The following EPHB2 variants were observed in gnomAD, a reference collection of about 807,000 sequenced individuals.
EPHB2 encodes the protein EPH receptor B2, also known as ephrin type-B receptor 2.
A neutral mutation model predicts 96.4 loss-of-function variants in EPHB2; 18 were observed. The observed-to-expected ratio is 0.19, with a 90% CI of 0.13 to 0.28. The LOEUF (loss-of-function observed/expected upper bound fraction) is 0.28. Ranked by LOEUF, EPHB2 falls within the 10% of genes least tolerant of loss-of-function variation. The pLI is 1.00. For missense variants in EPHB2, 989 were observed against 1,355.4 expected, an observed-to-expected ratio of 0.73 and a Z score of 4.25; for synonymous variants, 506 against 534.1, an observed-to-expected ratio of 0.95 and a Z score of 0.72.
chr1:22,727,600 A>C (rs1202780180), intron 1 of EPHB2, among the ~76,000 whole-genome samples: 1 of 152,206 alleles, frequency 6.6e-6, no homozygotes, highest in African/African-American at 2.4e-5. Flanking sequence ...AGAAGGGGAC[A>C]GCTAGTTGCC....
chr1:22,769,924 T>C (rs1174713427), intron 1 of EPHB2, among the ~76,000 whole-genome samples: 1 of 152,152 alleles, frequency 6.6e-6, no homozygotes, highest in Non-Finnish European at 1.5e-5. Context: ...CGAAGTGGGA[T>C]GCTGGGCATA....
At chr1:22,758,655 G>A (rs1644190366) in intron 1 of EPHB2, among the ~76,000 whole-genome samples, 1 of 151,510 alleles carries the variant, frequency 6.6e-6, no homozygotes, top group African/African-American at 2.4e-5. Flanking sequence ...CTCACACATG[G>A]TCTTTCCCTG....
chr1:22,833,273 C>T (rs898720259), intron 3 of EPHB2, among the ~76,000 whole-genome samples: 2 of 152,248 alleles, frequency 1.3e-5, no homozygotes, highest in African/African-American at 2.4e-5. Flanking sequence ...TGCACGCCAC[C>T]ATGCCTGGCT....
intron 1 of EPHB2, among the ~76,000 whole-genome samples, chr1:22,716,852 G>A (rs954500869): frequency 1.3e-5 from 2 of 152,200 alleles, no homozygotes; most frequent in Non-Finnish European, 2.9e-5. Context: ...TGAGGGTGGC[G>A]GAGATGCAGA....
In EPHB2 at chr1:22,894,928, T is replaced by C. The variant is rs201221682; in HGVS notation, c.1592-544T>C. ...CAGGGACAAGAATAGTTAATATTGA[T>C]TGAATGCTTGCTTAGGTGCCAGGTG... On this transcript the variant is annotated intron_variant, in intron 7 of 15. Coordinates refer to ENST00000374630, the MANE Select transcript of EPHB2 (RefSeq NM_017449.5). Among the ~76,000 whole-genome samples, 65 of 152,306 alleles carry C rather than the reference T, an allele frequency of 4.3e-4. 1 individual carries two copies. In the East Asian group the frequency reaches 9.8e-3, roughly 23 times the overall value.
chr1:22,881,554 A>T (rs766710211), intron 5 of EPHB2, among the ~76,000 whole-genome samples: 3 of 152,132 alleles, frequency 2.0e-5, no homozygotes, highest in African/African-American at 4.8e-5. Context: ...CTCAAAAAAT[A>T]ACAATCATAA....
chr1:22,772,090 A>G (rs1243339681), intron 1 of EPHB2, among the ~76,000 whole-genome samples: 1 of 36,884 alleles, frequency 2.7e-5, no homozygotes, highest in African/African-American at 1.1e-4. Context: ...ACCCCGTCCC[A>G]GACCCCCATC....
intron 9 of EPHB2, among the ~76,000 whole-genome samples, chr1:22,899,374 G>A (rs1263429683): frequency 6.6e-6 from 1 of 151,440 alleles, no homozygotes; most frequent in Non-Finnish European, 1.5e-5. Context: ...GGTGGTGTGT[G>A]CCTGTAATCC....
At chr1:22,772,494 A>T (rs74453201) in intron 1 of EPHB2, among the ~76,000 whole-genome samples, 20,619 of 152,258 alleles carry the variant, frequency 0.14, 1,457 homozygotes, top group South Asian at 0.18. Context: ...GGGCCGAGGT[A>T]GAAAAACAAC....
At chr1:22,715,683 A>AT (rs1294986839) in intron 1 of EPHB2, among the ~76,000 whole-genome samples, 1 of 152,284 alleles carries the variant, frequency 6.6e-6, no homozygotes, top group East Asian at 1.9e-4. Context: ...CCATCCATAT[A>AT]TTTTTAAAGA....
chr1:22,772,257 C>G (rs924667275), intron 1 of EPHB2, among the ~76,000 whole-genome samples: 2 of 152,112 alleles, frequency 1.3e-5, no homozygotes, highest in African/African-American at 4.8e-5. Context: ...TGGCGGATGC[C>G]CAGGCCAGCG....
intron 1 of EPHB2, among the ~76,000 whole-genome samples, chr1:22,712,433 G>A (rs1028883893): frequency 6.6e-6 from 1 of 152,306 alleles, no homozygotes; most frequent in African/African-American, 2.4e-5. Context: ...GTTGTGGGGC[G>A]CCCCTTCCCT....
rs1237178413 is a variant in EPHB2 at position 22,843,668 on chromosome 1, G to A, written c.812-19369G>A. ...TGATTCTTCTGTCTCAGCCTCCCGAGTAGCTGGGATTACAGCCACCTGCCG... is the reference window on the plus strand; with the variant it reads ...TGATTCTTCTGTCTCAGCCTCCCGAATAGCTGGGATTACAGCCACCTGCCG... On this transcript the variant is annotated intron_variant, in intron 3 of 15. Coordinates refer to ENST00000374630, the MANE Select transcript of EPHB2 (RefSeq NM_017449.5). 3.9e-5 allele frequency among the ~76,000 whole-genome samples: 6 copies of A among 152,270 alleles called. No individual in the cohort carries two copies. In the East Asian group the frequency reaches 1.2e-3, roughly 29 times the overall value.
chr1:22,808,131 C>A (rs1362957324), intron 3 of EPHB2, among the ~76,000 whole-genome samples: 10 of 141,412 alleles, frequency 7.1e-5, no homozygotes, highest in South Asian at 2.2e-4. Flanking sequence ...AAGACTGTCA[C>A]AAAAAAAAAA....
chr1:22,763,537 C>T (rs1159834209), intron 1 of EPHB2, among the ~76,000 whole-genome samples: 1 of 152,082 alleles, frequency 6.6e-6, no homozygotes, highest in Non-Finnish European at 1.5e-5. Flanking sequence ...AGGCCCTCCC[C>T]CCCACTTCAA....
At chr1:22,882,775 T>C in intron 6 of EPHB2, 1 of 388,442 alleles carries the variant, frequency 2.6e-6, no homozygotes, top group Non-Finnish European at 4.9e-6. Flanking sequence ...CACGACCCTT[T>C]CATCTTGACC....
chr1:22,889,034 A>G (rs1196758559), intron 6 of EPHB2, among the ~76,000 whole-genome samples: 1 of 152,162 alleles, frequency 6.6e-6, no homozygotes, highest in African/African-American at 2.4e-5. Context: ...ATGTGCCTGT[A>G]GTCCTAGCTA....
chr1:22,782,976 T>C (rs1202851317), intron 2 of EPHB2, among the ~76,000 whole-genome samples: 2 of 152,124 alleles, frequency 1.3e-5, no homozygotes, highest in African/African-American at 4.8e-5. Context: ...GGACACCCAC[T>C]TGAGGGTGAC....
At chr1:22,800,998 C>T (rs1269328931) in intron 3 of EPHB2, among the ~76,000 whole-genome samples, 1 of 152,250 alleles carries the variant, frequency 6.6e-6, no homozygotes, top group Non-Finnish European at 1.5e-5. Context: ...CCTGCACACA[C>T]ACATATACCC....
Sources: allele counts gnomAD v4.1 joint callset (sites outside exome capture counted in the v4.1 genomes callset), GRCh38; gene constraint gnomAD v4.1.1; transcripts MANE v1.5; gene names NCBI Gene and HGNC (gene_info 2026-07-23, HGNC 2026-07-21).